MAK: variants seen among roughly 807,000 people sequenced by gnomAD.
MAK encodes serine/threonine-protein kinase MAK.
MAK carries 65 observed loss-of-function variants against 82.6 expected under a neutral mutation model. That is an observed-to-expected ratio of 0.79 (90% CI 0.64 to 0.97). The LOEUF (loss-of-function observed/expected upper bound fraction) is 0.97. Ranked by LOEUF, MAK falls within the 50% of genes least tolerant of loss-of-function variation. The pLI is 0.00. For synonymous variants in MAK, 250 were observed against 274.2 expected, an observed-to-expected ratio of 0.91 and a Z score of 0.87; for missense variants, 703 against 780.2, an observed-to-expected ratio of 0.90 and a Z score of 1.18.
chr6:10,813,047 G>T (rs370889748), intron 5 of MAK, among the ~76,000 whole-genome samples: 1 of 123,584 alleles, frequency 8.1e-6, no homozygotes, highest in South Asian at 2.8e-4. Context: ...GGGATTACAG[G>T]TGTGAGTCCG....
intron 2 of MAK, 22 bp downstream of exon 2, chr6:10,830,526 T>C (rs1019100716): frequency 6.4e-6 from 10 of 1,572,574 alleles, no homozygotes; most frequent in African/African-American, 1.4e-5. Context: ...AAAGGTGAAG[T>C]TGGCAGTGTC....
chr6:10,814,207 G>T (rs866768831), intron 4 of MAK, among the ~76,000 whole-genome samples: 1 of 151,962 alleles, frequency 6.6e-6, no homozygotes, highest in African/African-American at 2.4e-5. Context: ...GACCTCAGGC[G>T]ATCTGCCCAC....
At position 10,795,997 on chromosome 6, in the gene MAK, C is replaced by CA. The variant is rs1581697849; in HGVS notation, c.1143dup (p.Lys382Ter). 1.2e-6 allele frequency: 2 copies of CA among 1,613,654 alleles called. No homozygotes were observed. The highest frequency in any genetic ancestry group is 1.7e-6 in the Non-Finnish European group (2 of 1,179,602). Reference sequence around the variant, plus strand: ...TGCAAGTGTCATGACTGGCTACTCACAGTTGGCATGTTTTTGACGATGCTC... The same window carrying CA: ...TGCAAGTGTCATGACTGGCTACTCACAAGTTGGCATGTTTTTGACGATGCTC... On this transcript the variant is annotated frameshift_variant and splice_region_variant. Coordinates refer to ENST00000354489, the MANE Select transcript of MAK (RefSeq NM_001242957.3). LOFTEE classifies it high-confidence loss of function.
In MAK at chr6:10,813,646, T is replaced by C. The variant is rs200506656; in HGVS notation, c.356A>G (p.His119Arg). 1.5e-4 allele frequency: 236 copies of C among 1,563,940 alleles called. No individual in the cohort carries two copies. Among genetic ancestry groups the C allele is most frequent in the Admixed American group, 1.8e-4 (11 of 59,940 alleles). ...AATTAAACTTAAAAGAAACCTACCA[T>C]GTTTATGGATAAAAGCCAGCCCTTG... ...ILQGLAFIHK[H>R]GFFHRDMKPE... is the part of the protein sequence containing the mutation. Residue 119 changes from histidine to arginine, a missense_variant and splice_region_variant, in exon 5 of 15, where the codon CAT (histidine) becomes CGT (arginine). By Grantham distance (29) the His-to-Arg change is conservative. Coordinates refer to ENST00000354489, the MANE Select transcript of MAK (RefSeq NM_001242957.3).
chr6:10,818,012 A>AT (rs770075165), intron 3 of MAK, 41 bp from the exon 4 acceptor site: 2 of 1,338,462 alleles, frequency 1.5e-6, no homozygotes, highest in Non-Finnish European at 2.0e-6. Context: ...CTTAAAAAAA[A>AT]CTTACAGAAT....
intron 6 of MAK, among the ~76,000 whole-genome samples, chr6:10,807,802 G>A (rs776020453): frequency 1.3e-5 from 2 of 151,736 alleles, no homozygotes; most frequent in East Asian, 2.0e-4. Flanking sequence ...GGTGGCTCAC[G>A]CCTGTAATCC....
At chr6:10,822,827 AATAG>A (rs1418092397) in intron 2 of MAK, among the ~76,000 whole-genome samples, 1 of 152,196 alleles carries the variant, frequency 6.6e-6, no homozygotes, top group Non-Finnish European at 1.5e-5. Flanking sequence ...CAGAGGGCTT[AATAG>A]ATATTTATTA....
chr6:10,830,896 G>C lies in MAK; in HGVS notation c.-229-19C>G. On this transcript the variant is annotated intron_variant, in intron 1 of 14. Transcript: ENST00000354489. ...AAACACCCTAAAGAAAGAAAACAAG[G>C]ATATCATGAATTTTCATTAACAAGT... 2.2e-6 allele frequency: 1 copy of C among 464,192 alleles called. No homozygotes were observed. The allele number at this position is 464,192 out of a possible 1,614,324, so 28.8% of individuals were successfully genotyped here. A position where few individuals can be genotyped will look rare whatever the true frequency, so the allele number is the denominator to read the frequency against.
chr6:10,770,298 A>C, intron 13 of MAK, 68 bp from the exon 14 acceptor site: 1 of 1,535,642 alleles, frequency 6.5e-7, no homozygotes, highest in South Asian at 1.1e-5. Context: ...ATAACATTGA[A>C]TACTACCCCA....
intron 14 of MAK, among the ~76,000 whole-genome samples, chr6:10,765,244 A>G (rs992339688): frequency 2.6e-5 from 4 of 152,200 alleles, no homozygotes; most frequent in Non-Finnish European, 4.4e-5. Flanking sequence ...CTCAAATTCA[A>G]TGGGCAACAC....
At chr6:10,796,422 A>T in intron 8 of MAK, 113 bp from the exon 9 acceptor site, 1 of 802,434 alleles carries the variant, frequency 1.2e-6, no homozygotes, top group Non-Finnish European at 2.1e-6. Context: ...CATGAGCTTC[A>T]AAGATTTAGA....
chr6:10,775,600 C>T, intron 11 of MAK, 141 bp from the exon 12 acceptor site: 1 of 940,514 alleles, frequency 1.1e-6, no homozygotes, highest in Non-Finnish European at 1.7e-6. Context: ...GTAGCAGATA[C>T]TTGCTTTCTG....
intron 14 of MAK, among the ~76,000 whole-genome samples, chr6:10,765,434 A>T (rs373015091): frequency 4.5e-4 from 64 of 141,454 alleles, no homozygotes; most frequent in African/African-American, 1.5e-3. Flanking sequence ...GGGTTTTAGA[A>T]TGAAGATTTT....
chr6:10,791,970 G>A, intron 9 of MAK, 123 bp from the exon 10 acceptor site: 3 of 982,672 alleles, frequency 3.1e-6, no homozygotes, highest in Non-Finnish European at 4.8e-6. Flanking sequence ...TACATGTAAG[G>A]GCATAACATA....
intron 2 of MAK, 115 bp downstream of exon 2, chr6:10,830,433 G>A (rs895669474): frequency 2.4e-6 from 2 of 847,296 alleles, no homozygotes; most frequent in Non-Finnish European, 4.0e-6. Context: ...CAAAGTGCTG[G>A]GATTACAGGC....
At chr6:10,795,944 C>T in intron 9 of MAK, 54 bp downstream of exon 9, 1 of 1,572,900 alleles carries the variant, frequency 6.4e-7, no homozygotes. Flanking sequence ...CGAAAAAAAT[C>T]TTAATTGCAC....
At chr6:10,806,952 A>G (rs1776512148) in intron 6 of MAK, among the ~76,000 whole-genome samples, 1 of 152,122 alleles carries the variant, frequency 6.6e-6, no homozygotes, top group African/African-American at 2.4e-5. Flanking sequence ...CAGCAACACA[A>G]AAAAACACAC....
chr6:10,813,129 TATATAAA>T (rs1458287630), intron 5 of MAK, among the ~76,000 whole-genome samples: 76 of 802 alleles, frequency 0.095, 17 homozygotes, highest in South Asian at 0.38. Flanking sequence ...TATATATATA[TATATAAA>T]TTTTTTTTTT....
At chr6:10,837,504 G>T (rs977308479) in intron 1 of MAK, among the ~76,000 whole-genome samples, 2 of 152,216 alleles carry the variant, frequency 1.3e-5, no homozygotes, top group African/African-American at 4.8e-5. Flanking sequence ...TTGAAGGGCC[G>T]GGGAGGCGGG....
Sources: gnomAD v4.1 joint callset for allele counts (sites outside exome capture counted in the v4.1 genomes callset) on GRCh38, gnomAD v4.1.1 for gene constraint, MANE v1.5 for transcripts, NCBI Gene and HGNC (gene_info 2026-07-23, HGNC 2026-07-21) for gene names.